Variants in DAZL observed in about 807,000 individuals in gnomAD.
The protein encoded by DAZL is deleted in azoospermia-like.
DAZL carries 4 observed loss-of-function variants against 45.0 expected under a neutral mutation model. The observed-to-expected ratio is 0.09, with a 90% CI of 0.04 to 0.20. The LOEUF (loss-of-function observed/expected upper bound fraction) is 0.20. DAZL is among the 10% of genes least tolerant of loss of function. The pLI is 1.00. For missense variants in DAZL, 326 were observed against 351.3 expected, an observed-to-expected ratio of 0.93 and a Z score of 0.58; for synonymous variants, 122 against 112.4, an observed-to-expected ratio of 1.09 and a Z score of -0.54.
chr3:16,598,415 T>G, intron 2 of DAZL, 37 bp downstream of exon 2: 1 of 1,599,066 alleles, frequency 6.3e-7, no homozygotes. Context: ...TTATTCATAA[T>G]GCATTTCAAG....
intron 6 of DAZL, among the ~76,000 whole-genome samples, chr3:16,596,153 G>C (rs1694596636): frequency 6.6e-6 from 1 of 152,008 alleles, no homozygotes; most frequent in African/African-American, 2.4e-5. Context: ...CAAAGACAAT[G>C]TCTTTTAAAC....
At chr3:16,589,899 TA>T (rs34303748) in intron 10 of DAZL, among the ~76,000 whole-genome samples, 21,267 of 143,622 alleles carry the variant, frequency 0.15, 1,832 homozygotes, top group East Asian at 0.47. Flanking sequence ...TTCTGTCTCT[TA>T]AAAAAAAAAA....
In DAZL at chr3:16,605,231, C is replaced by G; in HGVS notation, c.-26G>C. The G allele has an allele frequency of 1.9e-6, 3 of 1,614,178 alleles. 1 individual carries two copies. In the South Asian group the frequency reaches 3.3e-5, roughly 18 times the overall value. On this transcript the variant is annotated 5_prime_UTR_variant, in exon 1 of 11. Coordinates refer to ENST00000399444, the MANE Select transcript of DAZL (RefSeq NM_001351.4). ...GATGGCGGCAGGCAGCAGTTCCCGA[C>G]CGGCTCCAGGAGGAGCAGAGGCTGT...
At chr3:16,602,885 A>T (rs889325138) in intron 1 of DAZL, among the ~76,000 whole-genome samples, 2 of 152,224 alleles carry the variant, frequency 1.3e-5, no homozygotes, top group Non-Finnish European at 2.9e-5. Context: ...CCTTATTACT[A>T]CTATGTATTT....
intron 9 of DAZL, among the ~76,000 whole-genome samples, chr3:16,593,175 A>G (rs1373873462): frequency 2.0e-5 from 3 of 152,242 alleles, no homozygotes; most frequent in African/African-American, 4.8e-5. Context: ...TTCCCATAAC[A>G]TTCTGCCAAA....
In DAZL at chr3:16,598,539, G is replaced by C; in HGVS notation, c.63C>G (p.Ser21=). Residue 21 remains serine, a synonymous_variant, in exon 2 of 11, where the codon TCC becomes TCG. Coordinates refer to ENST00000399444, the MANE Select transcript of DAZL (RefSeq NM_001351.4). ...STISREASTQ[S]SSAATSQGYI... ...AGCCTTGGCTGGTTGCAGCTGATGA[G>C]GACTGGGTGCTGGCCTCTCTGGAGA... 2 of 1,604,926 alleles carry C rather than the reference G, an allele frequency of 1.2e-6. No individual in the cohort carries two copies. Among genetic ancestry groups the C allele is most frequent in the Non-Finnish European group, 8.5e-7 (1 of 1,179,152 alleles).
At chr3:16,596,725 A>G (rs1290499447) in intron 6 of DAZL, 25 bp downstream of exon 6, 6 of 1,612,274 alleles carry the variant, frequency 3.7e-6, no homozygotes, top group Non-Finnish European at 5.1e-6. Flanking sequence ...TAAACAAGAG[A>G]ATAGGAACGT....
rs761068673 is a variant in DAZL at position 16,597,462 on chromosome 3, AAT to A, written c.294+26_294+27del. 5.3e-5 allele frequency: 72 copies of A among 1,361,700 alleles called. No homozygotes were observed. In the South Asian group the frequency reaches 5.8e-4, roughly 11 times the overall value. 84.4% of individuals were successfully genotyped at this position (1,361,700 alleles called of 1,614,324 possible). On this transcript the variant is annotated intron_variant, in intron 4 of 10. Coordinates refer to ENST00000399444, the MANE Select transcript of DAZL (RefSeq NM_001351.4). ...CACTAAACATTGTATCAATTAAACA[AAT>A]GAGATTTTTCTATTAGATTACTTAC... is the stretch of plus-strand genomic sequence containing the variant.
intron 2 of DAZL, 126 bp downstream of exon 2, chr3:16,598,326 A>G (rs1000821262): frequency 9.9e-5 from 142 of 1,439,140 alleles, no homozygotes; most frequent in Non-Finnish European, 1.3e-4. Flanking sequence ...TTTAGTACCT[A>G]TGGGTCAAAT....
At chr3:16,598,306 C>CA in intron 2 of DAZL, 128 bp from the exon 3 acceptor site, 1 of 1,408,096 alleles carries the variant, frequency 7.1e-7, no homozygotes, top group Non-Finnish European at 9.9e-7. Flanking sequence ...AGCTCTTTGT[C>CA]AAAGATATTT....
At chr3:16,605,066 G>T in intron 1 of DAZL, 137 bp downstream of exon 1, 1 of 1,143,204 alleles carries the variant, frequency 8.7e-7, no homozygotes. Context: ...GTGGGCCATG[G>T]CTGTGGTGCG....
At chr3:16,601,550 T>C (rs1334427218) in intron 1 of DAZL, among the ~76,000 whole-genome samples, 4 of 152,170 alleles carry the variant, frequency 2.6e-5, no homozygotes, top group Non-Finnish European at 4.4e-5. Context: ...AATGTATATA[T>C]AAAAATCCAC....
intron 1 of DAZL, among the ~76,000 whole-genome samples, chr3:16,601,641 A>T (rs1191659624): frequency 6.6e-6 from 1 of 152,238 alleles, no homozygotes; most frequent in African/African-American, 2.4e-5. Flanking sequence ...AATTTTAAAG[A>T]AAGTACCATC....
At chr3:16,595,185 A>T in intron 7 of DAZL, 129 bp downstream of exon 7, 1 of 543,322 alleles carries the variant, frequency 1.8e-6, no homozygotes. Context: ...ATTCTAGACT[A>T]ATTTTTTTCT....
chr3:16,604,761 G>T (rs899441812), intron 1 of DAZL: 3 of 1,360,050 alleles, frequency 2.2e-6, no homozygotes, highest in African/African-American at 3.0e-5. Flanking sequence ...CGCCAGAAAT[G>T]AGGCTGGCGG....
chr3:16,586,812 T>C lies in DAZL; in HGVS notation c.*1848A>G, dbSNP rs1379782313. On this transcript the variant is annotated 3_prime_UTR_variant, in exon 11 of 11. Transcript: ENST00000399444. ...AACACTTTTGAAGAAAAAAACTTTA[T>C]TTTTATTCATGTATGCAAAGACAGT... 1 of 152,166 alleles carries C rather than the reference T, an allele frequency of 6.6e-6. No individual in the cohort carries two copies. The highest frequency in any genetic ancestry group is 2.4e-5 in the African/African-American group (1 of 41,452). The allele number at this position is 152,166 out of a possible 1,614,324, so 9.4% of individuals were successfully genotyped here.
chr3:16,593,646 G>A lies in DAZL; in HGVS notation c.735+9C>T. 1.3e-6 allele frequency: 2 copies of A among 1,527,330 alleles called. No individual in the cohort carries two copies. The highest frequency in any genetic ancestry group is 1.8e-6 in the Non-Finnish European group (2 of 1,104,008). 94.6% of individuals were successfully genotyped at this position (1,527,330 alleles called of 1,614,324 possible). A position where few individuals can be genotyped will look rare whatever the true frequency, so the allele number is the denominator to read the frequency against. Reference sequence around the variant, plus strand: ...TATGAAATATATATAAACAAAATTAGATGTTTGCCTTTTGTGGGCCATTTC... The same window carrying A: ...TATGAAATATATATAAACAAAATTAAATGTTTGCCTTTTGTGGGCCATTTC... On this transcript the variant is annotated intron_variant, in intron 9 of 10. Transcript: ENST00000399444.
chr3:16,603,344 C>G lies in DAZL; in HGVS notation c.3+1859G>C, dbSNP rs575406591. Among the ~76,000 whole-genome samples, 45 of 139,774 alleles carry G rather than the reference C, an allele frequency of 3.2e-4. 1 individual carries two copies. In the South Asian group the frequency reaches 0.01, roughly 32 times the overall value. The allele number at this position is 139,774 out of a possible 152,430, so 91.7% of individuals were successfully genotyped here. A position where few individuals can be genotyped will look rare whatever the true frequency, so the allele number is the denominator to read the frequency against. The stretch of plus-strand genomic sequence containing the variant: ...GCCAAGATATTTACACAAGGATATT[C>G]ATAGCATTTTTTTTTTTTTGAGACT... On this transcript the variant is annotated intron_variant, in intron 1 of 10. Transcript: ENST00000399444.
intron 1 of DAZL, among the ~76,000 whole-genome samples, chr3:16,600,975 A>C (rs909097353): frequency 2.0e-5 from 3 of 152,216 alleles, no homozygotes; most frequent in East Asian, 3.8e-4. Flanking sequence ...AAGGCCAGGA[A>C]TACTACTGCA....
Sources: allele counts gnomAD v4.1 joint callset (sites outside exome capture counted in the v4.1 genomes callset), GRCh38; gene constraint gnomAD v4.1.1; transcripts MANE v1.5; gene names NCBI Gene and HGNC (gene_info 2026-07-23, HGNC 2026-07-21).